RAB3GAP2: variants seen among roughly 807,000 people sequenced by gnomAD.
RAB3GAP2 encodes the protein rab3 GTPase-activating protein non-catalytic subunit.
A neutral mutation model predicts 185.3 loss-of-function variants in RAB3GAP2; 87 were observed. The ratio of observed to expected loss-of-function variants is 0.47; its 90% CI spans 0.39 to 0.56. The LOEUF is 0.56. RAB3GAP2 is among the 20% of genes least tolerant of loss of function. RAB3GAP2 has a pLI of 0.00. For missense variants in RAB3GAP2, 1,492 were observed against 1,638.2 expected (o/e 0.91, Z 1.54); for synonymous variants, 554 against 576.1 (o/e 0.96, Z 0.55).
chr1:220,153,608 T>A (rs996402766), intron 32 of RAB3GAP2: 147 of 347,938 alleles, frequency 4.2e-4, no homozygotes, highest in Non-Finnish European at 1.4e-4. Context: ...TATTATTATT[T>A]TTTATTATTA....
At chr1:220,222,790 A>C (rs891903722) in intron 2 of RAB3GAP2, among the ~76,000 whole-genome samples, 2 of 151,822 alleles carry the variant, frequency 1.3e-5, no homozygotes, top group African/African-American at 4.8e-5. Flanking sequence ...CCAAAGAAAA[A>C]CCCCCAAAAA....
chr1:220,162,093 C>T, intron 28 of RAB3GAP2, 105 bp downstream of exon 28: 1 of 913,256 alleles, frequency 1.1e-6, no homozygotes, highest in Non-Finnish European at 1.8e-6. Context: ...ATCTAATTAT[C>T]AAATTAAAAA....
chr1:220,253,184 A>C (rs2808012), intron 1 of RAB3GAP2, among the ~76,000 whole-genome samples: 69,422 of 152,036 alleles, frequency 0.46, 17,941 homozygotes, highest in African/African-American at 0.71. Flanking sequence ...GGACCCTGAT[A>C]CCATTCCTCC....
At chr1:220,230,653 C>G (rs1659481233) in intron 2 of RAB3GAP2, among the ~76,000 whole-genome samples, 1 of 152,224 alleles carries the variant, frequency 6.6e-6, no homozygotes, top group Admixed American at 6.5e-5. Flanking sequence ...TCCTCCCCAA[C>G]TGGGTATGAC....
At chr1:220,197,504 T>C (rs1024554161) in intron 9 of RAB3GAP2, among the ~76,000 whole-genome samples, 1 of 152,038 alleles carries the variant, frequency 6.6e-6, no homozygotes. Flanking sequence ...TAAACTCCCC[T>C]CCCACCTCCT....
chr1:220,185,722 G>A lies in RAB3GAP2; in HGVS notation c.1799C>T (p.Ala600Val). ...GCAAGAAAATGGTAAACGTTCACTT[G>A]CCAAAATGCTTTCCAAAGCCTAGGA... ...TKKQALESIL[A>V]SERLPFSCLR... The change falls in exon 18 of 35, where the codon GCA becomes GTA. Residue 600 changes from alanine (A) to valine (V), a missense_variant. Ala to Val is a moderately conservative substitution (Grantham distance 64). Around this residue, in one of 5 missense-constraint regions of RAB3GAP2, gnomAD observed 681 missense variants for 689.1 expected, o/e 0.99. Transcript: ENST00000358951. The A allele has an allele frequency of 6.2e-7, 1 of 1,611,544 alleles. No individual in the cohort carries two copies. The highest frequency in any genetic ancestry group is 1.1e-5 in the South Asian group (1 of 91,034).
At chr1:220,242,569 T>C (rs541905706) in intron 1 of RAB3GAP2, among the ~76,000 whole-genome samples, 18 of 152,218 alleles carry the variant, frequency 1.2e-4, no homozygotes, top group African/African-American at 4.1e-4. Context: ...AGCTCCGTAT[T>C]ATACCACTGT....
intron 28 of RAB3GAP2, among the ~76,000 whole-genome samples, chr1:220,161,481 A>G (rs1462612631): frequency 6.6e-6 from 1 of 152,180 alleles, no homozygotes; most frequent in East Asian, 1.9e-4. Flanking sequence ...TACTGTCGGC[A>G]TGCTAGCAGC....
At chr1:220,193,184 C>T in intron 13 of RAB3GAP2, 56 bp downstream of exon 13, 2 of 1,593,646 alleles carry the variant, frequency 1.3e-6, no homozygotes, top group Admixed American at 1.7e-5. Context: ...TAACATTGCT[C>T]AACTATTGGG....
In RAB3GAP2 at chr1:220,148,460, C is replaced by G. The variant is rs947604166; in HGVS notation, c.*2791G>C. On this transcript the variant is annotated 3_prime_UTR_variant, in exon 35 of 35. Transcript: ENST00000358951. ...TAAAATCTTTTAAGGATGGCTAATT[C>G]TATTCAGCAGGAATCTAACTTCTAG... 1.3e-5 allele frequency: 2 copies of G among 152,160 alleles called. No individual in the cohort carries two copies. The highest frequency in any genetic ancestry group is 4.8e-5 in the African/African-American group (2 of 41,444). The allele number at this position is 152,160 out of a possible 1,614,324, so 9.4% of individuals were successfully genotyped here.
At position 220,167,560 on chromosome 1, in the gene RAB3GAP2, A is replaced by T. The variant is rs1437597491; in HGVS notation, c.2922T>A (p.Gly974=). Residue 974 remains glycine (G), a synonymous_variant, in exon 25 of 35, where the codon GGT becomes GGA. Coordinates refer to ENST00000358951, the MANE Select transcript of RAB3GAP2 (RefSeq NM_012414.4). The part of the protein sequence containing the change: ...DAENPDEPKE[G]VNRSFLEVSE... ...ATACCTCAAGGAAACTTCTGTTAACACCTTCTTTGGGTTCATCTGGGTTTT... is the reference window on the plus strand; with the variant it reads ...ATACCTCAAGGAAACTTCTGTTAACTCCTTCTTTGGGTTCATCTGGGTTTT... 3.1e-6 allele frequency: 5 copies of T among 1,614,106 alleles called. No homozygotes were observed. The East Asian group carries it at 1.1e-4, about 36-fold the overall frequency.
At chr1:220,221,548 T>TA (rs1471700135) in intron 2 of RAB3GAP2, among the ~76,000 whole-genome samples, 3 of 152,202 alleles carry the variant, frequency 2.0e-5, no homozygotes, top group Non-Finnish European at 4.4e-5. Context: ...CTATAAAACA[T>TA]AATCCTAGTT....
chr1:220,253,735 T>C (rs1164209570), intron 1 of RAB3GAP2: 2 of 1,611,388 alleles, frequency 1.2e-6, no homozygotes, highest in Non-Finnish European at 1.7e-6. Context: ...TTGGGATGAG[T>C]GGGTTCCGGA....
At chr1:220,180,690 C>G (rs1421222489) in intron 21 of RAB3GAP2, among the ~76,000 whole-genome samples, 1 of 152,186 alleles carries the variant, frequency 6.6e-6, no homozygotes, top group Non-Finnish European at 1.5e-5. Flanking sequence ...CAAACTATTT[C>G]ACAACATTGG....
Position 220,254,104 on chromosome 1 carries a change from A to G in RAB3GAP2, c.115+18119T>C, listed in dbSNP as rs1272872974. ...TGACTGGGACTTAATTACCAGGCAA[A>G]AACAGCTCTTTTATCTTCCTGCCAA... On this transcript the variant is annotated intron_variant, in intron 1 of 34. Transcript: ENST00000358951. The G allele has an allele frequency of 5.0e-6, 8 of 1,613,982 alleles. No individual in the cohort carries two copies. In the Admixed American group the frequency reaches 1.0e-4, roughly 20 times the overall value.
At chr1:220,245,632 G>GCAGC (rs1659796038) in intron 1 of RAB3GAP2, among the ~76,000 whole-genome samples, 2 of 151,918 alleles carry the variant, frequency 1.3e-5, no homozygotes, top group South Asian at 4.1e-4. Flanking sequence ...GGTAAACAAA[G>GCAGC]CAGCCGGGAA....
intron 7 of RAB3GAP2, chr1:220,207,688 A>C (rs1658995264): frequency 1.3e-5 from 2 of 152,312 alleles, no homozygotes; most frequent in African/African-American, 4.8e-5. Context: ...AACAGAAAAG[A>C]CCTAATCACT....
Position 220,156,047 on chromosome 1 carries a change from T to G in RAB3GAP2, c.3555+1223A>C, listed in dbSNP as rs897378539. On this transcript the variant is annotated intron_variant, in intron 31 of 34. Transcript: ENST00000358951. ...CTCACTGCAACCTCTGCCTCCCAGG[T>G]TCAAGCGATTATCCTGCCTCAGCCT... is the stretch of plus-strand genomic sequence containing the variant. Among the ~76,000 whole-genome samples the G allele has an allele frequency of 4.0e-5, 6 of 151,652 alleles. No homozygotes were observed. In the East Asian group the frequency reaches 1.2e-3, roughly 30 times the overall value.
chr1:220,175,652 A>G (rs2102861526), intron 21 of RAB3GAP2, among the ~76,000 whole-genome samples: 1 of 152,360 alleles, frequency 6.6e-6, no homozygotes, highest in Admixed American at 6.5e-5. Flanking sequence ...AGGCAGCCAA[A>G]AAAATTAAAT....
Sources: gnomAD v4.1 joint callset for allele counts (sites outside exome capture counted in the v4.1 genomes callset) on GRCh38, gnomAD v4.1.1 for gene constraint, gnomAD v4.1.1 regional missense constraint, MANE v1.5 for transcripts, NCBI Gene and HGNC (gene_info 2026-07-23, HGNC 2026-07-21) for gene names.